NME7: variants seen among roughly 807,000 people sequenced by gnomAD.
The protein encoded by NME7 is nucleoside diphosphate kinase 7.
Under a neutral mutation model 49.1 loss-of-function variants are expected in NME7, and 41 were observed. The ratio of observed to expected loss-of-function variants is 0.83; its 90% confidence interval spans 0.65 to 1.08. The LOEUF (loss-of-function observed/expected upper bound fraction) is 1.08, where lower values mean the gene tolerates loss of function less well. Ranked by LOEUF, NME7 falls within the 50% of genes least tolerant of loss-of-function variation. NME7 has a pLI of 0.00. For synonymous variants in NME7, 139 were observed against 150.6 expected (o/e 0.92, Z 0.56); for missense variants, 423 against 463.4 (o/e 0.91, Z 0.80).
intron 11 of NME7, among the ~76,000 whole-genome samples, chr1:169,167,407 A>C (rs1449632890): frequency 6.6e-6 from 1 of 152,150 alleles, no homozygotes; most frequent in Admixed American, 6.5e-5. Context: ...CATTAAAATA[A>C]ATGTGTATTA....
chr1:169,295,111 C>A (rs1558027246), intron 6 of NME7, among the ~76,000 whole-genome samples: 1 of 152,152 alleles, frequency 6.6e-6, no homozygotes, highest in Non-Finnish European at 1.5e-5. Flanking sequence ...GCAGTGGAAG[C>A]TGCCTGAGAC....
chr1:169,342,402 T>C (rs1477699582), intron 1 of NME7, among the ~76,000 whole-genome samples: 1 of 151,334 alleles, frequency 6.6e-6, no homozygotes, highest in Non-Finnish European at 1.5e-5. Context: ...ACTTCTTTTC[T>C]TTATAAATTA....
chr1:169,352,021 A>T (rs1653192078), intron 1 of NME7, among the ~76,000 whole-genome samples: 1 of 152,064 alleles, frequency 6.6e-6, no homozygotes. Context: ...AATCCTATTC[A>T]AACTATTCCA....
At chr1:169,237,242 T>A (rs1446059256) in intron 8 of NME7, among the ~76,000 whole-genome samples, 1 of 152,070 alleles carries the variant, frequency 6.6e-6, no homozygotes, top group Admixed American at 6.6e-5. Context: ...TCTTCCTTCA[T>A]TATTTGTTTA....
At chr1:169,162,217 G>A (rs1241886766) in intron 11 of NME7, among the ~76,000 whole-genome samples, 7 of 152,024 alleles carry the variant, frequency 4.6e-5, no homozygotes, top group Non-Finnish European at 1.0e-4. Flanking sequence ...TTATGTGGGC[G>A]GCCTCTTGTC....
Position 169,252,078 on chromosome 1 carries a change from T to C in NME7, c.755-14391A>G, listed in dbSNP as rs1443170616. Among the ~76,000 whole-genome samples the C allele has an allele frequency of 3.3e-5, 5 of 149,634 alleles. No individual in the cohort carries two copies. The South Asian group carries it at 1.1e-3, about 33-fold the overall frequency. ...TATAGTCCTTTGGGTATATACCCAG[T>C]AATGGGATGGCTGGGTCAAATGGTA... is the stretch of plus-strand genomic sequence containing the variant. On this transcript the variant is annotated intron_variant, in intron 7 of 11. Coordinates refer to ENST00000367811, the MANE Select transcript of NME7 (RefSeq NM_013330.5).
At chr1:169,216,743 G>C (rs1660983182) in intron 10 of NME7, among the ~76,000 whole-genome samples, 1 of 152,180 alleles carries the variant, frequency 6.6e-6, no homozygotes, top group Admixed American at 6.5e-5. Flanking sequence ...GGTAGATAAT[G>C]TAAGAATTGA....
rs1332055052 is a variant in NME7 at position 169,270,162 on chromosome 1, TAACTC to T, written c.754+17136_754+17140del. 4.5e-5 allele frequency among the ~76,000 whole-genome samples: 6 copies of T among 134,554 alleles called. 1 individual carries two copies. Among genetic ancestry groups the T allele is most frequent in the Admixed American group, 1.5e-4 (2 of 13,718 alleles). The allele number at this position is 134,554 out of a possible 152,430, so 88.3% of individuals were successfully genotyped here. On this transcript the variant is annotated intron_variant, in intron 7 of 11. Coordinates refer to ENST00000367811, the MANE Select transcript of NME7 (RefSeq NM_013330.5). ...CTCAGATAAAACTTTAAAACAATCTTAACTCATTTTACTGATGAAACTAAACTTCA... is the reference window on the plus strand; with the variant it reads ...CTCAGATAAAACTTTAAAACAATCTTATTTTACTGATGAAACTAAACTTCA...
intron 1 of NME7, among the ~76,000 whole-genome samples, chr1:169,354,884 TATA>T (rs1156983437): frequency 7.9e-6 from 1 of 127,170 alleles, no homozygotes; most frequent in African/African-American, 2.9e-5. Context: ...CATAATAATA[TATA>T]ATGAATATAA....
chr1:169,191,016 T>G (rs1397184122), intron 10 of NME7, among the ~76,000 whole-genome samples: 2 of 75,652 alleles, frequency 2.6e-5, no homozygotes, highest in African/African-American at 8.0e-5. Flanking sequence ...GTTTCACCGT[T>G]TTAGCCGGGA....
chr1:169,268,752 C>T lies in NME7; in HGVS notation c.754+18551G>A, dbSNP rs138385995. ...AAGCTAAATAATGAAAAGACATGGA[C>T]AGAAGTTGAAAAACAGACACTGGAG... On this transcript the variant is annotated intron_variant, in intron 7 of 11. Transcript: ENST00000367811. Among the ~76,000 whole-genome samples, 721 of 132,596 alleles carry T rather than the reference C, an allele frequency of 5.4e-3. 78 individuals carry two copies. Among genetic ancestry groups the T allele is most frequent in the African/African-American group, 0.018 (697 of 39,300 alleles). 87.0% of individuals were successfully genotyped at this position (132,596 alleles called of 152,430 possible). A position where few individuals can be genotyped will look rare whatever the true frequency, so the allele number is the denominator to read the frequency against.
intron 1 of NME7, among the ~76,000 whole-genome samples, chr1:169,337,157 C>T (rs909480751): frequency 2.5e-4 from 38 of 152,190 alleles, no homozygotes; most frequent in African/African-American, 9.2e-4. Flanking sequence ...TCGGGCTGCA[C>T]AGGAACCCAC....
At chr1:169,175,057 T>C (rs1327183916) in intron 10 of NME7, among the ~76,000 whole-genome samples, 1 of 152,214 alleles carries the variant, frequency 6.6e-6, no homozygotes, top group East Asian at 1.9e-4. Flanking sequence ...CACAAACACA[T>C]TGTACAGCTG....
At chr1:169,294,937 A>G (rs1650649375) in intron 6 of NME7, among the ~76,000 whole-genome samples, 1 of 152,176 alleles carries the variant, frequency 6.6e-6, no homozygotes, top group Non-Finnish European at 1.5e-5. Context: ...GGTAAATCCC[A>G]TGAATAGATT....
chr1:169,136,238 G>A (rs1312468915), intron 11 of NME7, among the ~76,000 whole-genome samples: 2 of 152,190 alleles, frequency 1.3e-5, no homozygotes, highest in Non-Finnish European at 2.9e-5. Context: ...CAGGGGTTCT[G>A]AAATAACCAG....
At chr1:169,352,132 AAAAG>A (rs898253949) in intron 1 of NME7, among the ~76,000 whole-genome samples, 8 of 151,052 alleles carry the variant, frequency 5.3e-5, no homozygotes, top group Admixed American at 6.6e-5. Flanking sequence ...AAAAGAATGA[AAAAG>A]AAAACTACAG....
At chr1:169,182,999 T>A (rs1200861015) in intron 10 of NME7, among the ~76,000 whole-genome samples, 1 of 152,192 alleles carries the variant, frequency 6.6e-6, no homozygotes, top group Non-Finnish European at 1.5e-5. Context: ...GTGTATCACA[T>A]TTTCTCAAAC....
chr1:169,189,832 G>A (rs1234595985), intron 10 of NME7, among the ~76,000 whole-genome samples: 1 of 152,180 alleles, frequency 6.6e-6, no homozygotes, highest in Non-Finnish European at 1.5e-5. Context: ...AACTATGGCA[G>A]TGTAAGCTGG....
chr1:169,229,210 C>T (rs1479350124), intron 10 of NME7, among the ~76,000 whole-genome samples: 2 of 152,196 alleles, frequency 1.3e-5, no homozygotes, highest in Non-Finnish European at 2.9e-5. Flanking sequence ...AATTCTCTAC[C>T]ATATTTCCTC....
Sources: allele counts gnomAD v4.1 joint callset (sites outside exome capture counted in the v4.1 genomes callset), GRCh38; gene constraint gnomAD v4.1.1; transcripts MANE v1.5; gene names NCBI Gene and HGNC (gene_info 2026-07-23, HGNC 2026-07-21).